Variants in NALF1 observed in about 807,000 individuals in gnomAD.
NALF1 encodes the protein NALCN channel auxiliary factor 1.
NALF1 carries 3 observed loss-of-function variants against 48.4 expected under a neutral mutation model. The observed-to-expected ratio is 0.06, with a 90% CI of 0.03 to 0.16. The LOEUF (loss-of-function observed/expected upper bound fraction) is 0.16, where lower values mean the gene tolerates loss of function less well. NALF1 is among the 10% of genes least tolerant of loss of function. NALF1 has a pLI of 1.00. For missense variants in NALF1, 526 were observed against 571.5 expected, an observed-to-expected ratio of 0.92 and a Z score of 0.81; for synonymous variants, 262 against 245.7, an observed-to-expected ratio of 1.07 and a Z score of -0.62.
At chr13:107,499,594 A>G (rs1875449753) in intron 1 of NALF1, among the ~76,000 whole-genome samples, 2 of 152,178 alleles carry the variant, frequency 1.3e-5, no homozygotes, top group African/African-American at 2.4e-5. Context: ...TACCACACAC[A>G]TGATCTTAAG....
At chr13:107,853,763 A>G (rs1439327385) in intron 1 of NALF1, among the ~76,000 whole-genome samples, 1 of 152,224 alleles carries the variant, frequency 6.6e-6, no homozygotes, top group Non-Finnish European at 1.5e-5. Flanking sequence ...GTATTTACCA[A>G]AGACTAAATA....
intron 1 of NALF1, among the ~76,000 whole-genome samples, chr13:107,572,858 A>G (rs754886269): frequency 6.6e-4 from 101 of 152,308 alleles, no homozygotes; most frequent in Non-Finnish European, 1.2e-3. Context: ...CTTTTAAAAC[A>G]TATGTCAAAT....
At chr13:107,271,121 C>G (rs1881156050) in intron 1 of NALF1, among the ~76,000 whole-genome samples, 2 of 152,142 alleles carry the variant, frequency 1.3e-5, no homozygotes, top group Non-Finnish European at 1.5e-5. Flanking sequence ...AGACAGAATT[C>G]TAAGATGGCT....
At chr13:107,396,616 A>G (rs1269977979) in intron 1 of NALF1, among the ~76,000 whole-genome samples, 1 of 152,220 alleles carries the variant, frequency 6.6e-6, no homozygotes, top group East Asian at 1.9e-4. Context: ...TCATGGAAAC[A>G]AGCCTTTTAG....
At chr13:107,273,376 T>C (rs991087028) in intron 1 of NALF1, among the ~76,000 whole-genome samples, 1 of 152,224 alleles carries the variant, frequency 6.6e-6, no homozygotes, top group African/African-American at 2.4e-5. Flanking sequence ...CAGTGTCACA[T>C]AAAACTTACA....
chr13:107,440,441 T>A (rs1884538198), intron 1 of NALF1, among the ~76,000 whole-genome samples: 1 of 152,226 alleles, frequency 6.6e-6, no homozygotes, highest in Non-Finnish European at 1.5e-5. Context: ...CTTCATTTAT[T>A]CAACAAATAG....
chr13:107,323,507 T>C (rs1405126377), intron 1 of NALF1, among the ~76,000 whole-genome samples: 1 of 152,170 alleles, frequency 6.6e-6, no homozygotes, highest in African/African-American at 2.4e-5. Flanking sequence ...TTTTTTTCTC[T>C]ATTTTTTTCT....
chr13:107,255,930 T>C (rs1312898503), intron 1 of NALF1, among the ~76,000 whole-genome samples: 1 of 152,148 alleles, frequency 6.6e-6, no homozygotes, highest in Non-Finnish European at 1.5e-5. Flanking sequence ...AGGAAGGTAT[T>C]ATTAATATGT....
At chr13:107,219,368 G>T (rs1389849020) in intron 1 of NALF1, among the ~76,000 whole-genome samples, 33 of 152,150 alleles carry the variant, frequency 2.2e-4, no homozygotes, top group Non-Finnish European at 5.9e-5. Flanking sequence ...TAAAAAGGCA[G>T]CAAGTGAACA....
chr13:107,200,356 G>T (rs1879486208), intron 2 of NALF1, among the ~76,000 whole-genome samples: 1 of 152,182 alleles, frequency 6.6e-6, no homozygotes, highest in Non-Finnish European at 1.5e-5. Context: ...AGGAAGTGAT[G>T]ATGAATGAGC....
intron 1 of NALF1, among the ~76,000 whole-genome samples, chr13:107,629,681 T>A (rs78377684): frequency 0.05 from 7,663 of 152,282 alleles, 250 homozygotes; most frequent in Non-Finnish European, 0.079. Flanking sequence ...CTCCTTTTTC[T>A]TTACTGTATT....
rs539300109 is a variant in NALF1, at chr13:107,554,098, T to C, written c.915+311584A>G. 1.6e-4 allele frequency among the ~76,000 whole-genome samples: 24 copies of C among 152,192 alleles called. No individual in the cohort carries two copies. In the East Asian group the frequency reaches 4.4e-3, roughly 28 times the overall value. On this transcript the variant is annotated intron_variant, in intron 1 of 2. Coordinates refer to ENST00000375915, the MANE Select transcript of NALF1 (RefSeq NM_001080396.3). Reference sequence around the variant, plus strand: ...GAGCTCATGCAGCTGTATGGGTAAGTGGGTGACATGACAGCAAGCTCCTGA... The same window carrying C: ...GAGCTCATGCAGCTGTATGGGTAAGCGGGTGACATGACAGCAAGCTCCTGA...
chr13:107,457,477 C>T (rs926630726), intron 1 of NALF1, among the ~76,000 whole-genome samples: 1 of 152,140 alleles, frequency 6.6e-6, no homozygotes, highest in African/African-American at 2.4e-5. Context: ...GTGTAGCAAG[C>T]ACAGGAGAAG....
At chr13:107,561,570 T>A (rs1335863619) in intron 1 of NALF1, among the ~76,000 whole-genome samples, 1 of 152,220 alleles carries the variant, frequency 6.6e-6, no homozygotes, top group Admixed American at 6.5e-5. Flanking sequence ...AGATTTCCAA[T>A]ACAGTCGCTA....
chr13:107,534,314 AAT>A (rs1432934081), intron 1 of NALF1, among the ~76,000 whole-genome samples: 1 of 152,108 alleles, frequency 6.6e-6, no homozygotes, highest in Non-Finnish European at 1.5e-5. Flanking sequence ...AAATTGCTAA[AAT>A]ATGTTTATAT....
At chr13:107,857,755 C>T (rs2138647390) in intron 1 of NALF1, among the ~76,000 whole-genome samples, 1 of 152,202 alleles carries the variant, frequency 6.6e-6, no homozygotes, top group East Asian at 1.9e-4. Context: ...AGGATTTTAC[C>T]ATACAATATG....
intron 1 of NALF1, among the ~76,000 whole-genome samples, chr13:107,817,638 T>G (rs1035649416): frequency 2.0e-5 from 3 of 152,176 alleles, no homozygotes; most frequent in Admixed American, 6.5e-5. Context: ...TGTTTTCAAT[T>G]TATCACCAAA....
intron 1 of NALF1, among the ~76,000 whole-genome samples, chr13:107,750,062 C>T (rs1876891428): frequency 1.3e-5 from 2 of 152,188 alleles, no homozygotes; most frequent in Non-Finnish European, 2.9e-5. Context: ...TCATGATCCA[C>T]CCGCCTCAGC....
At chr13:107,857,852 T>C (rs187820732) in intron 1 of NALF1, among the ~76,000 whole-genome samples, 1 of 152,234 alleles carries the variant, frequency 6.6e-6, no homozygotes, top group African/African-American at 2.4e-5. Context: ...ATTAATTTTA[T>C]TGATGTTTCC....
Sources: allele counts gnomAD v4.1 joint callset (sites outside exome capture counted in the v4.1 genomes callset), GRCh38; gene constraint gnomAD v4.1.1; transcripts MANE v1.5; gene names NCBI Gene and HGNC (gene_info 2026-07-23, HGNC 2026-07-21).